Variants in SCAND3 observed in about 807,000 individuals in gnomAD.
SCAND3 encodes SCAN domain containing 3.
chr6:28,574,937 C>T, the SCAND3 span: 7 of 1,613,808 alleles, frequency 4.3e-6, no homozygotes, highest in South Asian at 7.7e-5. Flanking sequence ...GGGCTTTTTT[C>T]AGCCACCTTA....
chr6:28,593,049 A>T, the SCAND3 span, among the ~76,000 whole-genome samples: 1 of 152,004 alleles, frequency 6.6e-6, no homozygotes, highest in Non-Finnish European at 1.5e-5. Flanking sequence ...AAGCAACAGA[A>T]GCTAAAGCAG....
chr6:28,589,336 G>T, the SCAND3 span: 1 of 152,090 alleles, frequency 6.6e-6, no homozygotes, highest in Non-Finnish European at 1.5e-5. Flanking sequence ...TATCAAGGAG[G>T]TATTTAACCA....
chr6:28,573,580 G>C, the SCAND3 span: 1 of 1,613,060 alleles, frequency 6.2e-7, no homozygotes, highest in Non-Finnish European at 8.5e-7. Flanking sequence ...TGGTTTCATT[G>C]CTTCATTAGC....
chr6:28,600,302 T>C, the SCAND3 span, among the ~76,000 whole-genome samples: 1 of 152,206 alleles, frequency 6.6e-6, no homozygotes, highest in African/African-American at 2.4e-5. Flanking sequence ...AGCTTATTTA[T>C]AGATTCTCAA....
the SCAND3 span, among the ~76,000 whole-genome samples, chr6:28,610,052 C>T: frequency 6.6e-6 from 1 of 152,020 alleles, no homozygotes. Flanking sequence ...GGTGCAACGC[C>T]GTCTTTACTA....
At chr6:28,588,856 G>C in the SCAND3 span, among the ~76,000 whole-genome samples, 15 of 152,190 alleles carry the variant, frequency 9.9e-5, no homozygotes, top group African/African-American at 3.4e-4. The surrounding 1 kb of genome is among the most constrained non-coding windows in gnomAD (Gnocchi z 4.1). Context: ...CACCCCAGAG[G>C]GATGTTTATC....
the SCAND3 span, chr6:28,573,271 G>C: frequency 1.2e-6 from 2 of 1,614,046 alleles, no homozygotes; most frequent in South Asian, 1.1e-5. Flanking sequence ...TCGAGCTATG[G>C]TGTCATTGGA....
the SCAND3 span, among the ~76,000 whole-genome samples, chr6:28,586,135 G>C: frequency 1.1e-4 from 16 of 151,928 alleles, no homozygotes; most frequent in African/African-American, 2.9e-4. The surrounding 1 kb of genome is among the most constrained non-coding windows in gnomAD (Gnocchi z 4.4). Flanking sequence ...CACAAAAACT[G>C]TTATCTCATA....
the SCAND3 span, among the ~76,000 whole-genome samples, chr6:28,599,107 A>T: frequency 6.6e-6 from 1 of 152,204 alleles, no homozygotes; most frequent in Non-Finnish European, 1.5e-5. Flanking sequence ...CTAACCAGTT[A>T]TGTACAAGAT....
chr6:28,582,921 AAAAAAT>A, the SCAND3 span, among the ~76,000 whole-genome samples: 8 of 152,054 alleles, frequency 5.3e-5, no homozygotes, highest in South Asian at 8.3e-4. This position sits in a 1 kb window ranked among gnomAD's most constrained non-coding sequence, Gnocchi z 4.8. Context: ...ACTCCGTCTC[AAAAAAT>A]AAAAATAAAA....
the SCAND3 span, chr6:28,573,669 T>C: frequency 2.5e-6 from 4 of 1,611,782 alleles, no homozygotes; most frequent in Non-Finnish European, 3.4e-6. Context: ...ACTCAATATA[T>C]GAAGGATCAT....
chr6:28,594,989 C>T, the SCAND3 span, among the ~76,000 whole-genome samples: 2 of 151,480 alleles, frequency 1.3e-5, no homozygotes, highest in Non-Finnish European at 2.9e-5. Context: ...GGGTGGCTAT[C>T]GACAATAATT....
the SCAND3 span, chr6:28,573,221 T>C: frequency 3.1e-6 from 5 of 1,613,998 alleles, no homozygotes; most frequent in African/African-American, 5.3e-5. Context: ...ATTTGTTCTA[T>C]GAGTTGATCT....
At chr6:28,600,287 G>A in the SCAND3 span, among the ~76,000 whole-genome samples, 2 of 152,260 alleles carry the variant, frequency 1.3e-5, no homozygotes, top group East Asian at 3.9e-4. Flanking sequence ...AGAAGGTGGC[G>A]GCTAAGCTTA....
chr6:28,574,748 T>C, the SCAND3 span: 4 of 1,614,052 alleles, frequency 2.5e-6, no homozygotes, highest in Non-Finnish European at 3.4e-6. Context: ...TTCCTCTTCA[T>C]TGTGCTGGTT....
the SCAND3 span, among the ~76,000 whole-genome samples, chr6:28,600,558 A>C: frequency 6.6e-6 from 1 of 152,100 alleles, no homozygotes; most frequent in African/African-American, 2.4e-5. Context: ...GTTTGAGCCC[A>C]GGAGATTGCA....
chr6:28,582,417 T>C, the SCAND3 span, among the ~76,000 whole-genome samples: 41 of 152,314 alleles, frequency 2.7e-4, no homozygotes, highest in African/African-American at 8.4e-4. The surrounding 1 kb of genome is among the most constrained non-coding windows in gnomAD (Gnocchi z 4.8). Flanking sequence ...ACAGTATTTG[T>C]TATTTAAAGC....
At chr6:28,574,090 A>T in the SCAND3 span, among the ~76,000 whole-genome samples, 1 of 152,142 alleles carries the variant, frequency 6.6e-6, no homozygotes, top group Non-Finnish European at 1.5e-5. Context: ...CATGTGACTC[A>T]CCTTGAGAGT....
the SCAND3 span, among the ~76,000 whole-genome samples, chr6:28,595,646 C>T: frequency 6.6e-6 from 1 of 151,586 alleles, no homozygotes; most frequent in Non-Finnish European, 1.5e-5. Flanking sequence ...CGCATGAACC[C>T]AGGAGGTGGA....
Sources: allele counts gnomAD v4.1 joint callset (sites outside exome capture counted in the v4.1 genomes callset), GRCh38; gene constraint gnomAD v4.1.1; non-coding constraint Gnocchi (gnomAD v3.1); transcripts MANE v1.5; gene names NCBI Gene and HGNC (gene_info 2026-07-23, HGNC 2026-07-21).